TTLL13: variants seen among roughly 807,000 people sequenced by gnomAD.
TTLL13 encodes tubulin polyglutamylase TTLL13.
chr15:90,252,043 CT>C, the TTLL13 span, among the ~76,000 whole-genome samples: 195 of 133,234 alleles, frequency 1.5e-3, no homozygotes, highest in Non-Finnish European at 1.6e-3. Flanking sequence ...TCACCTAATT[CT>C]TTTTTTTTTT....
At chr15:90,251,337 G>A in the TTLL13 span, among the ~76,000 whole-genome samples, 1 of 144,682 alleles carries the variant, frequency 6.9e-6, no homozygotes, top group South Asian at 2.2e-4. Flanking sequence ...TGTTAGCCAG[G>A]ATGGTCTCTA....
At chr15:90,264,911 TCTGCACCCATG>T in the TTLL13 span, 1 of 1,536,126 alleles carries the variant, frequency 6.5e-7, no homozygotes, top group Non-Finnish European at 8.7e-7. Flanking sequence ...CTGCCCTGCG[TCTGCACCCATG>T]CTGCAGCGTT....
the TTLL13 span, chr15:90,258,146 T>C: frequency 3.7e-6 from 6 of 1,614,254 alleles, no homozygotes; most frequent in Non-Finnish European, 5.1e-6. Flanking sequence ...CAGCCCATTC[T>C]GTTCTACGCC....
chr15:90,256,280 C>T, the TTLL13 span: 1 of 1,614,154 alleles, frequency 6.2e-7, no homozygotes, highest in Non-Finnish European at 8.5e-7. Context: ...TATGATCTGC[C>T]AGCAATACAT....
chr15:90,263,070 C>A, the TTLL13 span: 15 of 1,536,000 alleles, frequency 9.8e-6, no homozygotes, highest in Non-Finnish European at 1.1e-5. Context: ...TCATCCGAAG[C>A]CTGGGTATTG....
the TTLL13 span, chr15:90,250,836 T>C: frequency 1.9e-6 from 3 of 1,614,084 alleles, no homozygotes; most frequent in African/African-American, 4.0e-5. Flanking sequence ...ATAGCCCCAG[T>C]TGACACAGGC....
the TTLL13 span, chr15:90,251,034 G>A: frequency 9.1e-7 from 1 of 1,099,092 alleles, no homozygotes; most frequent in South Asian, 1.6e-5. Context: ...TTAACCCTTT[G>A]ATACAACAGA....
the TTLL13 span, among the ~76,000 whole-genome samples, chr15:90,254,781 G>A: frequency 4.6e-5 from 7 of 152,152 alleles, no homozygotes; most frequent in African/African-American, 1.4e-4. Context: ...GGGAGGCAGA[G>A]GCCGCAGTGA....
the TTLL13 span, chr15:90,257,365 C>T: frequency 2.7e-6 from 4 of 1,508,632 alleles, no homozygotes; most frequent in South Asian, 5.3e-5. Flanking sequence ...AGGTTTGTCA[C>T]TGTCACCAAA....
the TTLL13 span, chr15:90,250,870 G>C: frequency 1.9e-6 from 3 of 1,613,658 alleles, no homozygotes; most frequent in African/African-American, 4.0e-5. Context: ...GGAGGAGGAA[G>C]AGAAGGCGGA....
the TTLL13 span, chr15:90,264,817 G>A: frequency 3.9e-6 from 6 of 1,536,078 alleles, no homozygotes; most frequent in Admixed American, 3.9e-5. Flanking sequence ...TTCTGCAACC[G>A]GAAAGAGTGG....
At chr15:90,263,778 G>T in the TTLL13 span, 1 of 701,828 alleles carries the variant, frequency 1.4e-6, no homozygotes, top group South Asian at 1.5e-5. Context: ...GTCAAGAACT[G>T]AAATCTATGA....
chr15:90,251,034 G>C, the TTLL13 span: 5 of 1,099,200 alleles, frequency 4.5e-6, no homozygotes, highest in East Asian at 2.6e-5. Context: ...TTAACCCTTT[G>C]ATACAACAGA....
the TTLL13 span, chr15:90,251,536 G>T: frequency 6.2e-7 from 1 of 1,612,874 alleles, no homozygotes; most frequent in East Asian, 2.2e-5. Flanking sequence ...CCTGATTTAT[G>T]CTATTCCTCC....
chr15:90,261,528 C>T, the TTLL13 span, among the ~76,000 whole-genome samples: 1 of 151,972 alleles, frequency 6.6e-6, no homozygotes, highest in East Asian at 1.9e-4. Flanking sequence ...TACGGTGGCT[C>T]ACACCTATAA....
chr15:90,265,089 C>A, the TTLL13 span: 1 of 1,331,528 alleles, frequency 7.5e-7, no homozygotes, highest in South Asian at 1.5e-5. Flanking sequence ...GCCCAGGAAC[C>A]CCATTTGTAT....
chr15:90,260,276 T>C, the TTLL13 span, among the ~76,000 whole-genome samples: 2 of 152,186 alleles, frequency 1.3e-5, no homozygotes, highest in African/African-American at 4.8e-5. Context: ...GGTGGGTGGA[T>C]CCCTTGAGCT....
the TTLL13 span, chr15:90,257,989 G>A: frequency 6.4e-7 from 1 of 1,566,218 alleles, no homozygotes; most frequent in Admixed American, 1.7e-5. Context: ...CCTACAGCCT[G>A]GCCCAGTGGC....
the TTLL13 span, chr15:90,253,466 C>A: frequency 2.6e-6 from 2 of 765,944 alleles, no homozygotes; most frequent in Non-Finnish European, 4.1e-6. Context: ...CTCTTTGTGG[C>A]TGTCCCCTTG....
Sources: allele counts gnomAD v4.1 joint callset (sites outside exome capture counted in the v4.1 genomes callset), GRCh38; gene constraint gnomAD v4.1.1; transcripts MANE v1.5; gene names NCBI Gene and HGNC (gene_info 2026-07-23, HGNC 2026-07-21).